The following CNTN4 variants were observed in gnomAD, a reference collection of about 807,000 sequenced individuals.
CNTN4 encodes the protein contactin 4, also known as contactin-4.
Under a neutral mutation model 122.5 loss-of-function variants are expected in CNTN4, and 77 were observed. That is an observed-to-expected ratio of 0.63 (90% CI 0.52 to 0.76). The LOEUF (loss-of-function observed/expected upper bound fraction) is 0.76, where lower values mean the gene tolerates loss of function less well. CNTN4 is among the 30% of genes least tolerant of loss of function. The probability of loss-of-function intolerance (pLI) is 0.00; values close to 1 mark genes in which losing one functional copy is unlikely to be tolerated. For missense variants in CNTN4, 1,256 were observed against 1,259.1 expected (o/e 1.00, Z 0.04); for synonymous variants, 512 against 447.0 (o/e 1.15, Z -1.83).
chr3:2,732,583 C>T (rs1480366918), intron 4 of CNTN4, among the ~76,000 whole-genome samples: 1 of 151,992 alleles, frequency 6.6e-6, no homozygotes, highest in Non-Finnish European at 1.5e-5. Context: ...CTTCAAGACA[C>T]TTGAAAGTCA....
intron 8 of CNTN4, among the ~76,000 whole-genome samples, chr3:2,873,270 A>G (rs1300172146): frequency 1.3e-5 from 2 of 152,212 alleles, no homozygotes; most frequent in Admixed American, 6.5e-5. Context: ...TCCAGTCACA[A>G]CTTTCTAGCC....
At chr3:2,988,012 GTGA>G (rs1694734924) in intron 13 of CNTN4, among the ~76,000 whole-genome samples, 1 of 152,116 alleles carries the variant, frequency 6.6e-6, no homozygotes, top group Non-Finnish European at 1.5e-5. Flanking sequence ...AAGACTAATG[GTGA>G]TCTACCGTAA....
At chr3:2,269,552 C>G (rs982929438) in intron 2 of CNTN4, among the ~76,000 whole-genome samples, 1 of 152,032 alleles carries the variant, frequency 6.6e-6, no homozygotes, top group Admixed American at 6.6e-5. Flanking sequence ...GTAAATACTT[C>G]AGGATTTTGA....
At chr3:2,458,930 A>G (rs1044575995) in intron 3 of CNTN4, among the ~76,000 whole-genome samples, 3 of 152,140 alleles carry the variant, frequency 2.0e-5, no homozygotes, top group Non-Finnish European at 1.5e-5. Flanking sequence ...TGTACATTAG[A>G]CTGTACAATT....
intron 23 of CNTN4, 29 bp downstream of exon 23, chr3:3,043,733 C>G: frequency 6.9e-7 from 1 of 1,443,572 alleles, no homozygotes; most frequent in Non-Finnish European, 9.7e-7. Context: ...GCAAAGGCAC[C>G]TAATCGTGCT....
intron 2 of CNTN4, among the ~76,000 whole-genome samples, chr3:2,120,084 GT>G (rs1559260196): frequency 6.6e-6 from 1 of 151,820 alleles, no homozygotes; most frequent in Non-Finnish European, 1.5e-5. Context: ...GGGGCAGTAG[GT>G]AAGTAAGAGC....
chr3:2,960,867 G>A (rs73116632), intron 13 of CNTN4, among the ~76,000 whole-genome samples: 26,057 of 151,952 alleles, frequency 0.17, 2,524 homozygotes, highest in East Asian at 0.41. Flanking sequence ...AAATGATTTT[G>A]AAAGTCCTTG....
intron 3 of CNTN4, among the ~76,000 whole-genome samples, chr3:2,522,776 G>A (rs2077267411): frequency 6.6e-6 from 1 of 151,696 alleles, no homozygotes; most frequent in African/African-American, 2.4e-5. Flanking sequence ...TGAGTAATAA[G>A]GATAAAGACC....
At chr3:2,283,780 A>G (rs1413992446) in intron 2 of CNTN4, among the ~76,000 whole-genome samples, 3 of 152,040 alleles carry the variant, frequency 2.0e-5, no homozygotes, top group East Asian at 1.9e-4. Context: ...ACGGCTTACA[A>G]TCCTTGTTTT....
At chr3:2,310,698 G>C (rs1185814647) in intron 2 of CNTN4, among the ~76,000 whole-genome samples, 5 of 152,092 alleles carry the variant, frequency 3.3e-5, no homozygotes, top group African/African-American at 1.2e-4. Context: ...TTCAGGTGTT[G>C]TTTGATAGTT....
intron 2 of CNTN4, among the ~76,000 whole-genome samples, chr3:2,169,445 C>CG (rs2036346349): frequency 6.6e-6 from 1 of 151,978 alleles, no homozygotes; most frequent in South Asian, 2.1e-4. Context: ...CTGGCTCTGT[C>CG]ACTCAGGCTG....
chr3:2,449,761 T>G (rs1364213625), intron 3 of CNTN4, among the ~76,000 whole-genome samples: 2 of 152,158 alleles, frequency 1.3e-5, no homozygotes, highest in Non-Finnish European at 2.9e-5. Context: ...TATCGTTCTG[T>G]CTTAAAAAAT....
At chr3:2,434,179 A>G (rs561455063) in intron 3 of CNTN4, among the ~76,000 whole-genome samples, 1 of 152,242 alleles carries the variant, frequency 6.6e-6, no homozygotes, top group African/African-American at 2.4e-5. Flanking sequence ...AATTAAAAGT[A>G]TGTGAAGTGA....
intron 14 of CNTN4, among the ~76,000 whole-genome samples, chr3:3,002,695 C>T (rs1010086083): frequency 2.0e-5 from 3 of 152,104 alleles, no homozygotes; most frequent in Non-Finnish European, 2.9e-5. Context: ...CTAAAGTTCT[C>T]TGATTTGATG....
intron 3 of CNTN4, among the ~76,000 whole-genome samples, chr3:2,475,577 C>G (rs1026711006): frequency 1.3e-5 from 2 of 152,122 alleles, no homozygotes; most frequent in African/African-American, 2.4e-5. Context: ...TTTAAATCTT[C>G]CTGTATACAT....
At chr3:2,817,450 C>T (rs909831171) in intron 6 of CNTN4, among the ~76,000 whole-genome samples, 3 of 152,114 alleles carry the variant, frequency 2.0e-5, no homozygotes, top group South Asian at 2.1e-4. Context: ...GACTAATAAA[C>T]GTTTCTGATT....
chr3:2,969,152 G>T lies in CNTN4; in HGVS notation c.1359-19193G>T, dbSNP rs148834176. 1.2e-3 allele frequency among the ~76,000 whole-genome samples: 180 copies of T among 152,272 alleles called. 1 individual carries two copies. In the East Asian group the frequency reaches 0.028, roughly 23 times the overall value. On this transcript the variant is annotated intron_variant, in intron 13 of 24. Transcript: ENST00000418658. ...GAAAATTTCAGGGTTTGCTGTATGT[G>T]CTAAGGGAATATCATCAAGACTTCA...
chr3:3,037,600 G>A, intron 18 of CNTN4: 3 of 453,300 alleles, frequency 6.6e-6, no homozygotes, highest in Non-Finnish European at 8.1e-6. Context: ...TTTCTTCATT[G>A]GTTCATTTGT....
At chr3:2,998,144 G>T (rs1048224227) in intron 14 of CNTN4, among the ~76,000 whole-genome samples, 1 of 152,030 alleles carries the variant, frequency 6.6e-6, no homozygotes, top group African/African-American at 2.4e-5. Context: ...CCACAGCATG[G>T]GTAGAACACC....
Sources: gnomAD v4.1 joint callset for allele counts (sites outside exome capture counted in the v4.1 genomes callset) on GRCh38, gnomAD v4.1.1 for gene constraint, MANE v1.5 for transcripts, NCBI Gene and HGNC (gene_info 2026-07-23, HGNC 2026-07-21) for gene names.